The following GPR137C variants were observed in gnomAD, a reference collection of about 807,000 sequenced individuals.
GPR137C encodes integral membrane protein GPR137C.
Under a neutral mutation model 43.4 loss-of-function variants are expected in GPR137C, and 27 were observed. The ratio of observed to expected loss-of-function variants is 0.62; its 90% CI spans 0.46 to 0.86. The LOEUF is 0.86. Among genes scored for constraint, GPR137C ranks in the 40% least tolerant of loss-of-function variants. GPR137C has a pLI of 0.00. For missense variants in GPR137C, 522 were observed against 534.6 expected (o/e 0.98, Z 0.23); for synonymous variants, 285 against 226.9 (o/e 1.26, Z -2.30).
chr14:52,615,536 G>C (rs1566622392), intron 3 of GPR137C, among the ~76,000 whole-genome samples: 1 of 148,500 alleles, frequency 6.7e-6, no homozygotes, highest in South Asian at 2.1e-4. Context: ...CATTGAATCT[G>C]TAGATTGCTT....
chr14:52,582,852 A>T (rs929159401), intron 1 of GPR137C, among the ~76,000 whole-genome samples: 1 of 152,216 alleles, frequency 6.6e-6, no homozygotes, highest in African/African-American at 2.4e-5. Context: ...AATCACTTGT[A>T]TATGAGTTGA....
chr14:52,626,215 A>G (rs2039225855), intron 3 of GPR137C, among the ~76,000 whole-genome samples: 1 of 152,204 alleles, frequency 6.6e-6, no homozygotes, highest in Non-Finnish European at 1.5e-5. Context: ...TCTTGGGACC[A>G]ATCCATGGAT....
chr14:52,600,177 G>A lies in GPR137C; in HGVS notation c.553G>A (p.Ala185Thr), dbSNP rs200493776. ...CTTTTTAGTGGTGAACTTGACTTGC[G>A]CAATGCTAGTTCATGGAGATGTCCC... The part of the protein sequence containing the change: ...LLFLVVNLTC[A>T]MLVHGDVPEN... Residue 185 changes from alanine to threonine, a missense_variant, in exon 3 of 7, where the codon GCA becomes ACA. Physicochemically the swap from Ala to Thr is moderately conservative, Grantham distance 58. Transcript: ENST00000321662. 2.5e-5 allele frequency: 41 copies of A among 1,613,826 alleles called. No individual in the cohort carries two copies. In the East Asian group the frequency reaches 2.7e-4, roughly 11 times the overall value.
intron 1 of GPR137C, among the ~76,000 whole-genome samples, chr14:52,583,580 A>G (rs1287650528): frequency 6.6e-6 from 1 of 152,166 alleles, no homozygotes; most frequent in African/African-American, 2.4e-5. Context: ...AAATGCCTTC[A>G]CTGAAATCTA....
At chr14:52,577,956 C>A (rs977889624) in intron 1 of GPR137C, among the ~76,000 whole-genome samples, 2 of 151,924 alleles carry the variant, frequency 1.3e-5, no homozygotes, top group African/African-American at 4.8e-5. Flanking sequence ...CAGAATGAGA[C>A]CCTGTCTCAA....
chr14:52,577,516 G>GCACACACA lies in GPR137C; in HGVS notation c.445-20738_445-20731dup, dbSNP rs3064748. Among the ~76,000 whole-genome samples, 745 of 145,492 alleles carry GCACACACA rather than the reference G, an allele frequency of 5.1e-3. 5 individuals carry two copies. The highest frequency in any genetic ancestry group is 0.015 in the African/African-American group (612 of 39,586). ...CAAACATGCACGCGTGCGCGCGCGC[G>GCACACACA]CACACACACACACACACACACACAC... On this transcript the variant is annotated intron_variant, in intron 1 of 6. Transcript: ENST00000321662.
chr14:52,613,647 A>G, intron 3 of GPR137C: 1 of 226,596 alleles, frequency 4.4e-6, no homozygotes, highest in Non-Finnish European at 9.0e-6. Flanking sequence ...TAACATGATG[A>G]TCTCCAGTTC....
chr14:52,633,489 A>G (rs1188497702), intron 4 of GPR137C, 41 bp from the exon 5 acceptor site: 4 of 1,593,032 alleles, frequency 2.5e-6, no homozygotes, highest in African/African-American at 1.3e-5. Flanking sequence ...TGCTTATACA[A>G]TAAACAGATG....
intron 3 of GPR137C, among the ~76,000 whole-genome samples, chr14:52,618,879 G>T (rs1337147309): frequency 1.3e-5 from 2 of 152,004 alleles, no homozygotes; most frequent in African/African-American, 4.8e-5. Context: ...ATCAAAGAAT[G>T]GGTAGGAATA....
chr14:52,586,565 T>C (rs958490411), intron 1 of GPR137C, among the ~76,000 whole-genome samples: 2 of 152,228 alleles, frequency 1.3e-5, no homozygotes, highest in African/African-American at 4.8e-5. Flanking sequence ...CTGATTCTTA[T>C]GTTTCTCTCC....
intron 3 of GPR137C, 84 bp downstream of exon 3, chr14:52,600,425 T>C: frequency 1.4e-6 from 1 of 706,932 alleles, no homozygotes; most frequent in Non-Finnish European, 2.3e-6. Flanking sequence ...AAAGTTTATA[T>C]TGCTATTTTA....
chr14:52,575,905 T>C (rs113349046), intron 1 of GPR137C, among the ~76,000 whole-genome samples: 1 of 152,204 alleles, frequency 6.6e-6, no homozygotes, highest in Non-Finnish European at 1.5e-5. Flanking sequence ...CTCCCAGTTA[T>C]CTTCTCCTAG....
chr14:52,629,022 A>G (rs2039263755), intron 3 of GPR137C, among the ~76,000 whole-genome samples: 1 of 152,248 alleles, frequency 6.6e-6, no homozygotes, highest in Non-Finnish European at 1.5e-5. Context: ...ATGGCCAATA[A>G]CACAATATTA....
intron 1 of GPR137C, among the ~76,000 whole-genome samples, chr14:52,560,234 A>G (rs895831585): frequency 6.6e-6 from 1 of 152,210 alleles, no homozygotes; most frequent in Non-Finnish European, 1.5e-5. Flanking sequence ...CAAGACCTCT[A>G]CAAGGAAAAC....
intron 1 of GPR137C, among the ~76,000 whole-genome samples, chr14:52,554,869 A>C (rs1566598668): frequency 2.0e-5 from 3 of 152,220 alleles, no homozygotes; most frequent in Non-Finnish European, 1.5e-5. Flanking sequence ...AACAAAACTA[A>C]TTTAACTTTT....
intron 3 of GPR137C, among the ~76,000 whole-genome samples, chr14:52,617,236 A>G (rs2039109654): frequency 6.6e-6 from 1 of 152,154 alleles, no homozygotes; most frequent in Admixed American, 6.6e-5. Context: ...TATTTTCTGT[A>G]TATCTCTGTA....
intron 3 of GPR137C, among the ~76,000 whole-genome samples, chr14:52,600,972 G>A (rs2038917167): frequency 6.6e-6 from 1 of 152,156 alleles, no homozygotes; most frequent in African/African-American, 2.4e-5. Context: ...TGTGATATTT[G>A]AAACAACTAA....
chr14:52,564,006 T>G (rs1254518387), intron 1 of GPR137C, among the ~76,000 whole-genome samples: 1 of 152,004 alleles, frequency 6.6e-6, no homozygotes, highest in Non-Finnish European at 1.5e-5. Flanking sequence ...CCAGGCACGG[T>G]GGCTCACACC....
intron 1 of GPR137C, among the ~76,000 whole-genome samples, chr14:52,561,183 C>G (rs1340499854): frequency 6.6e-6 from 1 of 152,244 alleles, no homozygotes; most frequent in Non-Finnish European, 1.5e-5. Flanking sequence ...ATTTAAAAGA[C>G]TAACCACACC....
Sources: gnomAD v4.1 joint callset for allele counts (sites outside exome capture counted in the v4.1 genomes callset) on GRCh38, gnomAD v4.1.1 for gene constraint, MANE v1.5 for transcripts, NCBI Gene and HGNC (gene_info 2026-07-23, HGNC 2026-07-21) for gene names.